Variants in GARNL3 observed in about 807,000 individuals in gnomAD.
GARNL3 encodes GTPase activating Rap/RanGAP domain like 3.
GARNL3 carries 63 observed loss-of-function variants against 125.0 expected under a neutral mutation model. The observed-to-expected ratio is 0.50, with a 90% CI of 0.41 to 0.62. The LOEUF is 0.62. Among genes scored for constraint, GARNL3 ranks in the 20% least tolerant of loss-of-function variants. GARNL3 has a pLI of 0.00. For synonymous variants in GARNL3, 439 were observed against 457.5 expected (o/e 0.96, Z 0.52); for missense variants, 994 against 1,244.0 (o/e 0.80, Z 3.02).
chr9:127,254,756 G>A (rs1238843129), intron 2 of GARNL3, among the ~76,000 whole-genome samples: 22 of 146,604 alleles, frequency 1.5e-4, no homozygotes, highest in African/African-American at 5.1e-4. Flanking sequence ...GTGACAGAGC[G>A]AGATTCTGTC....
At chr9:127,228,985 C>G (rs760002210) in intron 1 of GARNL3, among the ~76,000 whole-genome samples, 2 of 152,134 alleles carry the variant, frequency 1.3e-5, no homozygotes, top group African/African-American at 4.8e-5. Context: ...CCACACTCGG[C>G]TAACTTTTGT....
intron 4 of GARNL3, among the ~76,000 whole-genome samples, chr9:127,315,143 G>A (rs2065205420): frequency 6.6e-6 from 1 of 152,162 alleles, no homozygotes; most frequent in South Asian, 2.1e-4. Context: ...ACAATGAGAG[G>A]GTTCTCAGCT....
chr9:127,360,575 G>A (rs1360276882), intron 21 of GARNL3, among the ~76,000 whole-genome samples: 1 of 152,228 alleles, frequency 6.6e-6, no homozygotes, highest in Non-Finnish European at 1.5e-5. Context: ...TAGCTGGTTA[G>A]AAATAGGCCT....
intron 27 of GARNL3, 51 bp from the exon 28 acceptor site, chr9:127,393,032 C>A: frequency 6.9e-7 from 1 of 1,442,092 alleles, no homozygotes; most frequent in Non-Finnish European, 9.5e-7. Context: ...AAAATAGGCC[C>A]AGTTCTGTGG....
At position 127,340,235 on chromosome 9, in the gene GARNL3, G is replaced by A. The variant is rs1829790939; in HGVS notation, c.1135+484G>A. 3.3e-5 allele frequency among the ~76,000 whole-genome samples: 5 copies of A among 152,282 alleles called. No homozygotes were observed. The South Asian group carries it at 1.0e-3, about 32-fold the overall frequency. ...AAGACAGAATGAGAACATAATGTGT[G>A]TAGACCATGACTGCCAGGCATCACT... On this transcript the variant is annotated intron_variant, in intron 13 of 27. Transcript: ENST00000373387.
In GARNL3 at chr9:127,355,374, C is replaced by A; in HGVS notation, c.1837C>A (p.Leu613Met). 1 of 1,614,272 alleles carries A rather than the reference C, an allele frequency of 6.2e-7. No individual in the cohort carries two copies. Among genetic ancestry groups the A allele is most frequent in the Non-Finnish European group, 8.5e-7 (1 of 1,180,044 alleles). The change falls in exon 20 of 28, where the codon CTG becomes ATG. Residue 613 changes from leucine (L) to methionine (M), a missense_variant. By Grantham distance (15) the Leu-to-Met change is conservative (BLOSUM62 2). This residue lies in a region of GARNL3 where 728 missense variants were observed against 865.7 expected (regional missense o/e 0.84). Transcript: ENST00000373387. ...GGTTGCAATTCGGAATAAACTGCTT[C>A]TGATCACAAGAAAACACAACAAGCC... The part of the protein sequence containing the change: ...IVVAIRNKLL[L>M]ITRKHNKPSG...
intron 1 of GARNL3, among the ~76,000 whole-genome samples, chr9:127,228,361 C>A (rs1449852237): frequency 6.6e-6 from 1 of 152,168 alleles, no homozygotes; most frequent in Admixed American, 6.5e-5. Flanking sequence ...ATTTTAAAGC[C>A]TTTTGAAGCA....
At chr9:127,301,898 A>G (rs1041227473) in intron 2 of GARNL3, among the ~76,000 whole-genome samples, 4 of 147,288 alleles carry the variant, frequency 2.7e-5, no homozygotes, top group African/African-American at 1.0e-4. Context: ...GCTTTTTACA[A>G]ATCTATCTTC....
intron 2 of GARNL3, among the ~76,000 whole-genome samples, chr9:127,308,559 TAGTG>T (rs2065016365): frequency 6.7e-6 from 1 of 149,542 alleles, no homozygotes; most frequent in Non-Finnish European, 1.5e-5. Flanking sequence ...AAAAAAAAAA[TAGTG>T]ACAGTCAAAA....
At chr9:127,374,003 C>T (rs1209297757) in intron 22 of GARNL3, among the ~76,000 whole-genome samples, 1 of 150,544 alleles carries the variant, frequency 6.6e-6, no homozygotes, top group Admixed American at 6.6e-5. Flanking sequence ...GAGACTCCGT[C>T]TCAAAAAAAA....
At position 127,317,940 on chromosome 9, in the gene GARNL3, T is replaced by C. The variant is rs191874447; in HGVS notation, c.439-123T>C. 112 of 746,460 alleles carry C rather than the reference T, an allele frequency of 1.5e-4. No individual in the cohort carries two copies. The Admixed American group carries it at 2.0e-3, about 13-fold the overall frequency. The allele number at this position is 746,460 out of a possible 1,614,324, so 46.2% of individuals were successfully genotyped here. A position where few individuals can be genotyped will look rare whatever the true frequency, so the allele number is the denominator to read the frequency against. On this transcript the variant is annotated intron_variant, in intron 4 of 27. Coordinates refer to ENST00000373387, the MANE Select transcript of GARNL3 (RefSeq NM_032293.5). The stretch of plus-strand genomic sequence containing the variant: ...CAGTCATAGAATGTGTTTATTCATA[T>C]ACATTCCCCTTGAGGAGAAAGAAGA...
At chr9:127,281,077 G>A (rs1265980953) in intron 1 of GARNL3, among the ~76,000 whole-genome samples, 1 of 152,164 alleles carries the variant, frequency 6.6e-6, no homozygotes, top group Non-Finnish European at 1.5e-5. Context: ...TTGACTTGGT[G>A]GCACGAGGAG....
chr9:127,321,336 C>G (rs558474036), intron 6 of GARNL3, among the ~76,000 whole-genome samples: 2 of 152,270 alleles, frequency 1.3e-5, no homozygotes, highest in South Asian at 4.1e-4. Context: ...TAGCTGGTCT[C>G]AAACTCCTGA....
intron 22 of GARNL3, among the ~76,000 whole-genome samples, chr9:127,382,173 G>A (rs1017287073): frequency 8.6e-5 from 13 of 151,962 alleles, no homozygotes; most frequent in African/African-American, 1.9e-4. Flanking sequence ...GGTGGCGGGC[G>A]TCTGTAGTCC....
upstream of GARNL3, among the ~76,000 whole-genome samples, chr9:127,260,723 G>T (rs2063572463): frequency 6.6e-6 from 1 of 152,078 alleles, no homozygotes; most frequent in Non-Finnish European, 1.5e-5. Flanking sequence ...ACAAGCGCTG[G>T]GCTGAATTGG....
At chr9:127,374,416 A>G (rs1460716069) in intron 22 of GARNL3, among the ~76,000 whole-genome samples, 4 of 152,238 alleles carry the variant, frequency 2.6e-5, no homozygotes, top group African/African-American at 9.6e-5. Context: ...AAAAACTTCT[A>G]CAAGAAAGCA....
intron 12 of GARNL3, among the ~76,000 whole-genome samples, chr9:127,338,724 T>A (rs1199655691): frequency 6.6e-6 from 1 of 152,198 alleles, no homozygotes; most frequent in Non-Finnish European, 1.5e-5. Context: ...AGGTGCTCAG[T>A]GATGGCCATT....
intron 1 of GARNL3, among the ~76,000 whole-genome samples, chr9:127,281,699 G>A (rs919180167): frequency 6.6e-6 from 1 of 152,240 alleles, no homozygotes; most frequent in Non-Finnish European, 1.5e-5. Flanking sequence ...CCAGGAGACA[G>A]GCCCCAGGGC....
intron 16 of GARNL3, among the ~76,000 whole-genome samples, chr9:127,348,651 G>T (rs747447227): frequency 6.6e-6 from 1 of 152,196 alleles, no homozygotes; most frequent in Non-Finnish European, 1.5e-5. Context: ...TTACGAATGC[G>T]TCAATTGCCT....
Sources: allele counts gnomAD v4.1 joint callset (sites outside exome capture counted in the v4.1 genomes callset), GRCh38; gene constraint gnomAD v4.1.1; regional missense constraint gnomAD v4.1.1; transcripts MANE v1.5; gene names NCBI Gene and HGNC (gene_info 2026-07-23, HGNC 2026-07-21).